Variants in DMD observed in about 807,000 individuals in gnomAD.
DMD encodes mutant dystrophin.
In DMD, 63 loss-of-function variants were observed where a neutral mutation model predicts 330.1. That is an observed-to-expected ratio of 0.19 (90% confidence interval 0.16 to 0.24). DMD has a LOEUF of 0.24. Ranked by LOEUF, DMD falls within the 10% of genes least tolerant of loss-of-function variation. DMD has a pLI of 1.00. For synonymous variants in DMD, 1,223 were observed against 959.8 expected, an observed-to-expected ratio of 1.27 and a Z score of -5.07; for missense variants, 3,344 against 2,684.1, an observed-to-expected ratio of 1.25 and a Z score of -5.43.
chrX:32,731,354 T>C (rs1216173657), intron 7 of DMD, among the ~76,000 whole-genome samples: 4 of 112,518 alleles, frequency 3.6e-5, no homozygotes, highest in South Asian at 3.7e-4. Context: ...CGCCATTGCC[T>C]AGGCTTGATT....
chrX:33,307,653 C>A (rs1445881850), intron 1 of DMD, among the ~76,000 whole-genome samples: 1 of 111,652 alleles, frequency 9.0e-6, no homozygotes, highest in Non-Finnish European at 1.9e-5. Context: ...TGCGCCACTG[C>A]ACTCCGGCCT....
At chrX:33,304,893 C>T (rs368722986) in intron 1 of DMD, among the ~76,000 whole-genome samples, 9 of 103,682 alleles carry the variant, frequency 8.7e-5, no homozygotes, top group African/African-American at 1.8e-4. Context: ...GTTAGAATGG[C>T]GATCATTAAA....
At chrX:32,827,981 G>C (rs2078866277) in intron 4 of DMD, among the ~76,000 whole-genome samples, 1 of 111,417 alleles carries the variant, frequency 9.0e-6, no homozygotes, top group Admixed American at 9.6e-5. Flanking sequence ...TTATAAGTGA[G>C]AACATGTGAT....
chrX:31,760,188 C>T (rs2089461895), intron 51 of DMD, among the ~76,000 whole-genome samples: 1 of 111,994 alleles, frequency 8.9e-6, no homozygotes, highest in African/African-American at 3.2e-5. Flanking sequence ...TTCTGTAGGA[C>T]AATTTTGGAA....
intron 48 of DMD, among the ~76,000 whole-genome samples, chrX:31,869,909 C>G (rs191338883): frequency 2.4e-4 from 27 of 111,444 alleles, no homozygotes; most frequent in South Asian, 7.6e-4. Context: ...TGACTTGCTG[C>G]CCTCTGGACT....
chrX:32,496,093 G>A (rs1262835250), intron 19 of DMD, among the ~76,000 whole-genome samples: 3 of 111,867 alleles, frequency 2.7e-5, no homozygotes, highest in Non-Finnish European at 5.6e-5. Flanking sequence ...ATAACAGACT[G>A]TTAGAATAAT....
chrX:31,796,663 A>T (rs73213875), intron 50 of DMD, among the ~76,000 whole-genome samples: 12,160 of 111,505 alleles, frequency 0.11, 532 homozygotes, highest in Middle Eastern at 0.14. Context: ...TTGAATTAAG[A>T]TAATGCTATA....
chrX:31,384,309 CACTACTACT>C (rs79171547), intron 60 of DMD, among the ~76,000 whole-genome samples: 9,022 of 91,202 alleles, frequency 0.099, 492 homozygotes, highest in African/African-American at 0.19. Flanking sequence ...TATCCTGCTT[CACTACTACT>C]ACTACTACTA....
rs763193757 is a variant in DMD, at chrX:32,993,193, G to A, written c.93+26946C>T. On this transcript the variant is annotated intron_variant, in intron 2 of 78. Coordinates refer to ENST00000357033, the MANE Select transcript of DMD (RefSeq NM_004006.3). ...ACCAAAAAACCTAACTTTAGAACCC[G>A]GATTTGTGAGTAAGTAGTTTGAGCA... Among the ~76,000 whole-genome samples the A allele has an allele frequency of 2.3e-3, 258 of 111,897 alleles. 1 individual carries two copies. The highest frequency in any genetic ancestry group is 7.9e-3 in the African/African-American group (242 of 30,816).
chrX:33,126,331 T>C (rs768217583), intron 1 of DMD, among the ~76,000 whole-genome samples: 25 of 112,258 alleles, frequency 2.2e-4, no homozygotes, highest in African/African-American at 8.1e-4. Flanking sequence ...ACAATTATTT[T>C]CTGCTCTTTG....
chrX:32,893,429 CTA>C (rs2085401349), intron 2 of DMD, among the ~76,000 whole-genome samples: 1 of 104,403 alleles, frequency 9.6e-6, no homozygotes, highest in African/African-American at 3.5e-5. Context: ...CACCTATCTC[CTA>C]TATATGTTTG....
At chrX:32,384,340 G>A (rs1006347650) in intron 33 of DMD, among the ~76,000 whole-genome samples, 3 of 110,555 alleles carry the variant, frequency 2.7e-5, no homozygotes, top group Admixed American at 9.6e-5. Flanking sequence ...TTTAAACAAT[G>A]ATAAATTTCT....
At chrX:32,413,192 A>T (rs769409514) in intron 29 of DMD, among the ~76,000 whole-genome samples, 1 of 110,604 alleles carries the variant, frequency 9.0e-6, no homozygotes, top group East Asian at 2.9e-4. Context: ...TCTCCCCTTG[A>T]TCTCCATACT....
chrX:33,092,304 A>C (rs1569553998), intron 1 of DMD, among the ~76,000 whole-genome samples: 1 of 112,042 alleles, frequency 8.9e-6, no homozygotes, highest in Admixed American at 9.5e-5. Context: ...TTATCATGGA[A>C]ATATATCTGA....
chrX:32,257,391 G>A (rs756368290), intron 43 of DMD, among the ~76,000 whole-genome samples: 1 of 111,423 alleles, frequency 9.0e-6, no homozygotes, highest in Non-Finnish European at 1.9e-5. Flanking sequence ...AAAGCTGGAG[G>A]CATCATGCTA....
chrX:31,685,570 G>A (rs1418552727), intron 52 of DMD, among the ~76,000 whole-genome samples: 1 of 112,104 alleles, frequency 8.9e-6, no homozygotes, highest in East Asian at 2.8e-4. Flanking sequence ...TTCTGTCTCT[G>A]ACTCTAGACA....
chrX:31,371,938 G>C lies in DMD; in HGVS notation c.9085-23304C>G, dbSNP rs139640272. ...AAAGCACTTAACTCGCTAAGTTTCT[G>C]CTTTTGTATCTAAAAATGATACTAC... On this transcript the variant is annotated intron_variant, in intron 60 of 78. Coordinates refer to ENST00000357033, the MANE Select transcript of DMD (RefSeq NM_004006.3). Among the ~76,000 whole-genome samples the C allele has an allele frequency of 2.1e-3, 230 of 112,106 alleles. 1 individual carries two copies. Among genetic ancestry groups the C allele is most frequent in the African/African-American group, 7.2e-3 (223 of 30,880 alleles).
chrX:31,260,388 C>T (rs1603252121), intron 63 of DMD, among the ~76,000 whole-genome samples: 2 of 112,223 alleles, frequency 1.8e-5, no homozygotes, highest in East Asian at 5.5e-4. Context: ...GCTCTGTACC[C>T]ATTCAAAATA....
chrX:32,561,673 G>A (rs1455734290), intron 16 of DMD, among the ~76,000 whole-genome samples: 1 of 111,169 alleles, frequency 9.0e-6, no homozygotes, highest in Non-Finnish European at 1.9e-5. Context: ...CTGAGCAGAA[G>A]CCAGCCCAAC....
Sources: allele counts gnomAD v4.1 joint callset (sites outside exome capture counted in the v4.1 genomes callset), GRCh38; gene constraint gnomAD v4.1.1; transcripts MANE v1.5; gene names NCBI Gene and HGNC (gene_info 2026-07-23, HGNC 2026-07-21).